Variants in PUM1 observed in about 807,000 individuals in gnomAD.
PUM1 encodes pumilio RNA binding family member 1.
PUM1 carries 13 observed loss-of-function variants against 131.8 expected under a neutral mutation model. That is an observed-to-expected ratio of 0.10 (90% CI 0.06 to 0.16). The LOEUF (loss-of-function observed/expected upper bound fraction) is 0.16, where lower values mean the gene tolerates loss of function less well. Among genes scored for constraint, PUM1 ranks in the 10% least tolerant of loss-of-function variants. The probability of loss-of-function intolerance (pLI) is 1.00; values close to 1 mark genes in which losing one functional copy is unlikely to be tolerated. For synonymous variants in PUM1, 509 were observed against 556.5 expected, an observed-to-expected ratio of 0.91 and a Z score of 1.20; for missense variants, 961 against 1,512.4, an observed-to-expected ratio of 0.64 and a Z score of 6.05.
intron 7 of PUM1, among the ~76,000 whole-genome samples, chr1:30,984,046 T>C (rs1641457282): frequency 6.6e-6 from 1 of 152,204 alleles, no homozygotes; most frequent in South Asian, 2.1e-4. Context: ...ACCACCACAT[T>C]AAAACATTCT....
chr1:30,982,653 G>C (rs1022573854), intron 7 of PUM1, among the ~76,000 whole-genome samples: 4 of 152,186 alleles, frequency 2.6e-5, no homozygotes, highest in Admixed American at 1.3e-4. Flanking sequence ...GATTGTTTCA[G>C]ACATTAGGAG....
chr1:30,936,950 A>G (rs1392867760), intron 20 of PUM1, 115 bp from the exon 21 acceptor site: 1 of 882,940 alleles, frequency 1.1e-6, no homozygotes, highest in Non-Finnish European at 1.7e-6. Context: ...GAGCTATTTA[A>G]CATTTGAGGA....
At position 30,995,182 on chromosome 1, in the gene PUM1, A is replaced by T; in HGVS notation, c.759T>A (p.Gly253=). ...RDADSDENDK[G]EKKNKGTFDG... is the part of the protein sequence containing the mutation. ...CAAACGTACCCTTGTTCTTCTTTTC[A>T]CCTTTGTCGTTTTCATCACTGTCTG... Residue 253 remains glycine, a synonymous_variant, in exon 6 of 22, where the codon GGT becomes GGA. Coordinates refer to ENST00000426105, the MANE Select transcript of PUM1 (RefSeq NM_001020658.2). 1 of 1,614,030 alleles carries T rather than the reference A, an allele frequency of 6.2e-7. No individual in the cohort carries two copies. Among genetic ancestry groups the T allele is most frequent in the East Asian group, 2.2e-5 (1 of 44,876 alleles).
chr1:31,038,565 C>A (rs1643693222), intron 2 of PUM1, among the ~76,000 whole-genome samples: 1 of 152,154 alleles, frequency 6.6e-6, no homozygotes, highest in African/African-American at 2.4e-5. Flanking sequence ...ACATGACAGG[C>A]ATTACATACA....
chr1:31,056,088 G>A (rs567559019), intron 2 of PUM1, among the ~76,000 whole-genome samples: 2 of 152,230 alleles, frequency 1.3e-5, no homozygotes, highest in South Asian at 4.2e-4. Context: ...AGGTAGAGCT[G>A]CCTACAGTAT....
At chr1:30,997,938 G>A (rs1395086907) in intron 5 of PUM1, among the ~76,000 whole-genome samples, 3 of 149,628 alleles carry the variant, frequency 2.0e-5, no homozygotes, top group Non-Finnish European at 4.4e-5. Flanking sequence ...ATACTGCCAC[G>A]GGCCAGATTT....
At chr1:30,962,793 C>T (rs1034611652) in intron 14 of PUM1, among the ~76,000 whole-genome samples, 3 of 152,150 alleles carry the variant, frequency 2.0e-5, no homozygotes, top group African/African-American at 7.2e-5. Flanking sequence ...TGCTTTCACA[C>T]TTCAACAGCA....
intron 2 of PUM1, among the ~76,000 whole-genome samples, chr1:31,036,104 C>G (rs1643602481): frequency 6.6e-6 from 1 of 151,270 alleles, no homozygotes; most frequent in Admixed American, 6.6e-5. Flanking sequence ...TAGTCTCACT[C>G]TGTTGCCCAG....
chr1:30,981,446 T>C, intron 7 of PUM1, 41 bp from the exon 8 acceptor site: 1 of 1,302,626 alleles, frequency 7.7e-7, no homozygotes, highest in African/African-American at 1.5e-5. Context: ...AGGGAAACTG[T>C]CTTACAAAAT....
chr1:30,937,932 G>A (rs542356614), intron 20 of PUM1, among the ~76,000 whole-genome samples: 9 of 151,852 alleles, frequency 5.9e-5, no homozygotes, highest in South Asian at 2.1e-4. Flanking sequence ...CCATGACACC[G>A]GGCTAATTTT....
At chr1:30,993,755 T>C (rs1335196249) in intron 6 of PUM1, among the ~76,000 whole-genome samples, 1 of 152,184 alleles carries the variant, frequency 6.6e-6, no homozygotes, top group Non-Finnish European at 1.5e-5. Context: ...TTTATTACCC[T>C]GTGCCTTAAA....
At chr1:31,061,278 G>T (rs1431194807) in intron 1 of PUM1, among the ~76,000 whole-genome samples, 1 of 152,134 alleles carries the variant, frequency 6.6e-6, no homozygotes, top group Non-Finnish European at 1.5e-5. Flanking sequence ...AGGCAACACA[G>T]TGAGACCCCC....
chr1:30,942,702 G>A (rs994588225), intron 18 of PUM1, among the ~76,000 whole-genome samples: 1 of 152,148 alleles, frequency 6.6e-6, no homozygotes, highest in African/African-American at 2.4e-5. Flanking sequence ...ACAATAATAA[G>A]AGCAATAATA....
rs1644152323 is a variant in PUM1, at chr1:31,053,116, T to C, written c.363+6088A>G. ...CAACCTCTGCCCCCGATTCAAGCGA[T>C]TTTCCTGCCTCTCCTGAGTAGCTGG... is the stretch of plus-strand genomic sequence containing the variant. On this transcript the variant is annotated intron_variant, in intron 2 of 21. Coordinates refer to ENST00000426105, the MANE Select transcript of PUM1 (RefSeq NM_001020658.2). Among the ~76,000 whole-genome samples the C allele has an allele frequency of 2.0e-5, 3 of 150,510 alleles. No individual in the cohort carries two copies. In the South Asian group the frequency reaches 6.3e-4, roughly 32 times the overall value.
At position 30,957,087 on chromosome 1, in the gene PUM1, TACACACACAC is replaced by T. The variant is rs58044891; in HGVS notation, c.2324-3116_2324-3107del. Among the ~76,000 whole-genome samples, 223 of 139,970 alleles carry T rather than the reference TACACACACAC, an allele frequency of 1.6e-3. 2 individuals carry two copies. Among genetic ancestry groups the T allele is most frequent in the African/African-American group, 5.8e-3 (212 of 36,710 alleles). The allele number at this position is 139,970 out of a possible 152,430, so 91.8% of individuals were successfully genotyped here. On this transcript the variant is annotated intron_variant, in intron 14 of 21. Coordinates refer to ENST00000426105, the MANE Select transcript of PUM1 (RefSeq NM_001020658.2). Reference sequence around the variant, plus strand: ...CAAGTACATACTACAAGGACATTCATACACACACACACACACACACACACACACACACACA... The same window carrying T: ...CAAGTACATACTACAAGGACATTCATACACACACACACACACACACACACA...
In PUM1 at chr1:31,058,676, A is replaced by AT. The variant is rs1644304166; in HGVS notation, c.363+527dup. On this transcript the variant is annotated intron_variant, in intron 2 of 21. Transcript: ENST00000426105. ...GACTCCGTCTTAAAAAAAAAAAAAA[A>AT]TGCATTCTATAGGCCGGGCGTGGGT... 2.0e-5 allele frequency among the ~76,000 whole-genome samples: 3 copies of AT among 148,218 alleles called. No homozygotes were observed. The Admixed American group carries it at 2.0e-4, about 10-fold the overall frequency.
chr1:31,023,977 A>AG (rs1375063555), intron 3 of PUM1, among the ~76,000 whole-genome samples: 2 of 151,608 alleles, frequency 1.3e-5, no homozygotes, highest in East Asian at 1.9e-4. Context: ...TCTAAATCAC[A>AG]GGGGGGAAAG....
chr1:31,055,036 G>C (rs1228048897), intron 2 of PUM1, among the ~76,000 whole-genome samples: 2 of 152,104 alleles, frequency 1.3e-5, no homozygotes, highest in Non-Finnish European at 2.9e-5. Context: ...TTATATATAG[G>C]AAATACAATA....
chr1:31,032,128 G>A (rs1643452217), intron 2 of PUM1, among the ~76,000 whole-genome samples: 1 of 152,174 alleles, frequency 6.6e-6, no homozygotes, highest in African/African-American at 2.4e-5. Flanking sequence ...CACCCACGTT[G>A]ACTACATGAG....
Sources: gnomAD v4.1 joint callset for allele counts (sites outside exome capture counted in the v4.1 genomes callset) on GRCh38, gnomAD v4.1.1 for gene constraint, MANE v1.5 for transcripts, NCBI Gene and HGNC (gene_info 2026-07-23, HGNC 2026-07-21) for gene names.